USP53: variants seen among roughly 807,000 people sequenced by gnomAD.
The protein encoded by USP53 is ubiquitin carboxyl-terminal hydrolase 53.
In USP53, 71 loss-of-function variants were observed where a neutral mutation model predicts 94.9. The observed-to-expected ratio is 0.75, with a 90% CI of 0.62 to 0.91. USP53 has a LOEUF of 0.91. Among genes scored for constraint, USP53 ranks in the 40% least tolerant of loss-of-function variants. The pLI, the probability that USP53 is intolerant of heterozygous loss-of-function variation, is 0.00. For missense variants in USP53, 1,173 were observed against 1,281.0 expected, an observed-to-expected ratio of 0.92 and a Z score of 1.29; for synonymous variants, 375 against 422.7, an observed-to-expected ratio of 0.89 and a Z score of 1.39.
chr4:119,279,495 T>C (rs1314214207), intron 17 of USP53, among the ~76,000 whole-genome samples: 1 of 148,678 alleles, frequency 6.7e-6, no homozygotes, highest in Non-Finnish European at 1.5e-5. Flanking sequence ...GAACCACTGC[T>C]CTCTTCAAAG....
intron 17 of USP53, among the ~76,000 whole-genome samples, chr4:119,281,109 G>T (rs1294161392): frequency 2.0e-5 from 3 of 152,220 alleles, no homozygotes; most frequent in African/African-American, 7.2e-5. Context: ...ATGCAATGGT[G>T]TGGGATTATT....
chr4:119,274,041 T>C (rs1457550695), intron 17 of USP53, among the ~76,000 whole-genome samples: 1 of 143,030 alleles, frequency 7.0e-6, no homozygotes, highest in Non-Finnish European at 1.6e-5. Context: ...GTTTGCAGCC[T>C]TTTTTTTTTT....
chr4:119,241,256 G>T (rs1240278565), intron 5 of USP53, among the ~76,000 whole-genome samples: 1 of 152,052 alleles, frequency 6.6e-6, no homozygotes, highest in African/African-American at 2.4e-5. Flanking sequence ...TTTTAAGAAT[G>T]AACATTCTGC....
chr4:119,254,681 C>T (rs1749516962), intron 7 of USP53, among the ~76,000 whole-genome samples: 1 of 152,228 alleles, frequency 6.6e-6, no homozygotes, highest in Non-Finnish European at 1.5e-5. Context: ...TCCTTTAGCT[C>T]GGAGAAGTTT....
At chr4:119,289,046 C>T (rs1754442540) in intron 17 of USP53, among the ~76,000 whole-genome samples, 1 of 151,814 alleles carries the variant, frequency 6.6e-6, no homozygotes, top group East Asian at 1.9e-4. Flanking sequence ...TTACTATCAC[C>T]ATAGATACTA....
chr4:119,283,370 G>A (rs957616612), intron 17 of USP53, among the ~76,000 whole-genome samples: 7 of 152,064 alleles, frequency 4.6e-5, no homozygotes, highest in East Asian at 3.9e-4. Context: ...GGATAGAAGC[G>A]AAATTATGCT....
intron 4 of USP53, among the ~76,000 whole-genome samples, chr4:119,235,979 C>T (rs11098495): frequency 0.021 from 3,238 of 152,290 alleles, 115 homozygotes; most frequent in African/African-American, 0.073. Flanking sequence ...AAGGTATTGT[C>T]TGCCTTTCGT....
rs533165430 is a variant in USP53, at chr4:119,269,027, C to A, written c.1288+607C>A. Reference sequence around the variant, plus strand: ...ACATATTAATGAAATAATGTGTAATCATAAAAGTAACTCATTTAATCAAGG... The same window carrying A: ...ACATATTAATGAAATAATGTGTAATAATAAAAGTAACTCATTTAATCAAGG... On this transcript the variant is annotated intron_variant, in intron 14 of 18. Transcript: ENST00000692078. Among the ~76,000 whole-genome samples the A allele has an allele frequency of 2.0e-5, 3 of 152,196 alleles. No individual in the cohort carries two copies. The East Asian group carries it at 5.8e-4, about 29-fold the overall frequency.
chr4:119,236,203 A>G (rs1190698802), intron 4 of USP53, among the ~76,000 whole-genome samples: 2 of 152,260 alleles, frequency 1.3e-5, no homozygotes, highest in Non-Finnish European at 2.9e-5. Context: ...TGTATACACT[A>G]TACCACAGTC....
intron 5 of USP53, among the ~76,000 whole-genome samples, chr4:119,242,001 C>G (rs993280960): frequency 3.3e-5 from 5 of 152,102 alleles, no homozygotes; most frequent in African/African-American, 1.2e-4. Context: ...TGCTATTAAT[C>G]CCATCCAGTG....
chr4:119,252,861 G>T (rs183385568), intron 7 of USP53, among the ~76,000 whole-genome samples: 26 of 152,146 alleles, frequency 1.7e-4, no homozygotes, highest in African/African-American at 6.3e-4. Flanking sequence ...GCTTTCTCTC[G>T]TGGGCATTTC....
intron 3 of USP53, chr4:119,221,043 A>AGAAT (rs1424704909): frequency 6.6e-6 from 1 of 152,242 alleles, no homozygotes; most frequent in East Asian, 1.9e-4. Context: ...TCAGATAAGG[A>AGAAT]GAATGGCTGA....
rs1743346950 is a variant in USP53 at position 119,214,064 on chromosome 4, T to C, written c.-941-6T>C. On this transcript the variant is annotated splice_polypyrimidine_tract_variant and splice_region_variant and intron_variant, in intron 1 of 18. Coordinates refer to ENST00000692078, the MANE Select transcript of USP53 (RefSeq NM_001371395.1). ...ATTGATAATTGTTATTTTCTGTTCT[T>C]TTCAGTTCCGTGATGATGGTCTAAG... The C allele has an allele frequency of 1.3e-5, 2 of 151,958 alleles. No homozygotes were observed. The highest frequency in any genetic ancestry group is 6.6e-5 in the Admixed American group (1 of 15,264). The allele number at this position is 151,958 out of a possible 1,614,324, so 9.4% of individuals were successfully genotyped here.
intron 2 of USP53, among the ~76,000 whole-genome samples, chr4:119,215,995 C>T (rs1310312133): frequency 2.0e-5 from 3 of 152,146 alleles, no homozygotes; most frequent in Non-Finnish European, 4.4e-5. Context: ...TTTACTGCTG[C>T]GCTTTTCTGA....
Position 119,271,791 on chromosome 4 carries a change from A to G in USP53, c.1931A>G (p.Asp644Gly). 1 of 1,612,666 alleles carries G rather than the reference A, an allele frequency of 6.2e-7. No homozygotes were observed. Among genetic ancestry groups the G allele is most frequent in the Non-Finnish European group, 8.5e-7 (1 of 1,179,684 alleles). ...KQKGLMTIYEDEMKQEIGSRS... is the reference protein window; with the variant it reads ...KQKGLMTIYEGEMKQEIGSRS... ...AAAGGTTTAATGACCATATATGAAG[A>G]TGAAATGAAGCAGGAAATAGGAAGC... The change falls in exon 16 of 19, where the codon GAT becomes GGT. Residue 644 changes from aspartate (D) to glycine (G), a missense_variant. By Grantham distance (94) the Asp-to-Gly change is moderately conservative. Transcript: ENST00000692078.
intron 3 of USP53, chr4:119,218,121 G>A (rs1410713127): frequency 6.6e-6 from 1 of 152,168 alleles, no homozygotes; most frequent in Non-Finnish European, 1.5e-5. Context: ...GTGGTGAAAA[G>A]TGGTCAGATC....
At chr4:119,285,184 G>A (rs185560927) in intron 17 of USP53, among the ~76,000 whole-genome samples, 9 of 151,950 alleles carry the variant, frequency 5.9e-5, no homozygotes, top group African/African-American at 1.7e-4. Context: ...TGAATGAAAA[G>A]GATGGCAGCT....
intron 3 of USP53, among the ~76,000 whole-genome samples, chr4:119,223,851 G>T (rs1239520409): frequency 6.6e-6 from 1 of 152,088 alleles, no homozygotes; most frequent in Non-Finnish European, 1.5e-5. Flanking sequence ...ACTGTCAAAA[G>T]AAGGAAAAAA....
chr4:119,269,747 G>T lies in USP53; in HGVS notation c.1345G>T (p.Ala449Ser). 6.6e-7 allele frequency: 1 copy of T among 1,508,522 alleles called. No individual in the cohort carries two copies. Among genetic ancestry groups the T allele is most frequent in the Admixed American group, 2.2e-5 (1 of 44,686 alleles). 93.4% of individuals were successfully genotyped at this position (1,508,522 alleles called of 1,614,324 possible). A position where few individuals can be genotyped will look rare whatever the true frequency, so the allele number is the denominator to read the frequency against. Residue 449 changes from alanine (A) to serine (S), a missense_variant, in exon 15 of 19, where the codon GCT (alanine) becomes TCT (serine). By Grantham distance (99) the Ala-to-Ser change is moderately conservative (BLOSUM62 1). Coordinates refer to ENST00000692078, the MANE Select transcript of USP53 (RefSeq NM_001371395.1). ...GATAAAAGACATTTCCAGAGAATGT[G>T]CTCTGAAAGCTATTGAACAGAAAAA... ...EKIKDISREC[A>S]LKAIEQKNLL...
Sources: gnomAD v4.1 joint callset for allele counts (sites outside exome capture counted in the v4.1 genomes callset) on GRCh38, gnomAD v4.1.1 for gene constraint, MANE v1.5 for transcripts, NCBI Gene and HGNC (gene_info 2026-07-23, HGNC 2026-07-21) for gene names.